ROBO1: variants seen among roughly 807,000 people sequenced by gnomAD.
The protein encoded by ROBO1 is roundabout guidance receptor 1, also known as roundabout homolog 1.
A neutral mutation model predicts 195.9 loss-of-function variants in ROBO1; 149 were observed. The ratio of observed to expected loss-of-function variants is 0.76; its 90% CI spans 0.67 to 0.87. The LOEUF (loss-of-function observed/expected upper bound fraction) is 0.87. Among genes scored for constraint, ROBO1 ranks in the 40% least tolerant of loss-of-function variants. The pLI, the probability that ROBO1 is intolerant of heterozygous loss-of-function variation, is 0.00. For missense variants in ROBO1, 1,933 were observed against 2,068.3 expected (o/e 0.93, Z 1.27); for synonymous variants, 816 against 733.2 (o/e 1.11, Z -1.82).
At chr3:79,677,404 A>T (rs1361441582) in intron 1 of ROBO1, among the ~76,000 whole-genome samples, 3 of 151,974 alleles carry the variant, frequency 2.0e-5, no homozygotes, top group African/African-American at 7.2e-5. Flanking sequence ...CCTCACAATC[A>T]TGGTGGAAGG....
At chr3:79,307,169 T>C (rs1161912724) in intron 2 of ROBO1, among the ~76,000 whole-genome samples, 1 of 152,128 alleles carries the variant, frequency 6.6e-6, no homozygotes, top group Non-Finnish European at 1.5e-5. Context: ...TGGGGAGCAT[T>C]GATCAGCCAG....
chr3:79,467,333 C>T (rs938480212), intron 2 of ROBO1, among the ~76,000 whole-genome samples: 9 of 151,852 alleles, frequency 5.9e-5, no homozygotes, highest in African/African-American at 2.2e-4. Flanking sequence ...AAGGCCCCAC[C>T]CTCAAGCCTG....
intron 2 of ROBO1, among the ~76,000 whole-genome samples, chr3:79,421,775 C>T (rs550291007): frequency 6.6e-6 from 1 of 152,132 alleles, no homozygotes; most frequent in African/African-American, 2.4e-5. Flanking sequence ...GTAAAGCAAG[C>T]TCTAATAAAA....
intron 2 of ROBO1, among the ~76,000 whole-genome samples, chr3:79,413,474 G>T (rs1026608775): frequency 5.3e-5 from 8 of 152,050 alleles, no homozygotes; most frequent in Non-Finnish European, 1.0e-4. Context: ...ATTGTGGTCA[G>T]GTGTGGAGAA....
chr3:79,018,393 A>G lies in ROBO1; in HGVS notation c.173-79466T>C, dbSNP rs751439425. On this transcript the variant is annotated intron_variant, in intron 3 of 30. Transcript: ENST00000464233. ...AGGGAGGATCAAGGGTGAAGAAAGA[A>G]GACGCGGGGTTACCTGAACAGAGAC... 3.7e-6 allele frequency: 6 copies of G among 1,613,860 alleles called. No individual in the cohort carries two copies. The East Asian group carries it at 1.3e-4, about 36-fold the overall frequency.
At position 79,058,923 on chromosome 3, in the gene ROBO1, C is replaced by T. The variant is rs554604967; in HGVS notation, c.172+66533G>A. 1.8e-4 allele frequency among the ~76,000 whole-genome samples: 28 copies of T among 152,136 alleles called. No individual in the cohort carries two copies. The East Asian group carries it at 4.1e-3, about 22-fold the overall frequency. On this transcript the variant is annotated intron_variant, in intron 3 of 30. Transcript: ENST00000464233. ...AGTCACTCCAATGGCCACCACTGCC[C>T]GAATGGCATTACATCAATCTATTCA...
rs183712666 is a variant in ROBO1 at position 79,344,957 on chromosome 3, C to T, written c.89-219418G>A. 1.9e-3 allele frequency among the ~76,000 whole-genome samples: 288 copies of T among 152,260 alleles called. 1 individual carries two copies. Among genetic ancestry groups the T allele is most frequent in the Non-Finnish European group, 3.5e-3 (237 of 68,024 alleles). ...TGCTGCCATGTGAAGAAGGTGACTG[C>T]TTCCCCTTCCACCATGATTATAAGT... is the stretch of plus-strand genomic sequence containing the variant. On this transcript the variant is annotated intron_variant, in intron 2 of 30. Transcript: ENST00000464233.
intron 5 of ROBO1, among the ~76,000 whole-genome samples, chr3:78,744,522 A>T (rs1273057236): frequency 6.6e-6 from 1 of 152,162 alleles, no homozygotes; most frequent in Non-Finnish European, 1.5e-5. Context: ...TAGCCTTTTT[A>T]AAAAGGCTAC....
At chr3:78,909,656 A>G (rs372225400) in intron 4 of ROBO1, among the ~76,000 whole-genome samples, 2 of 151,916 alleles carry the variant, frequency 1.3e-5, no homozygotes, top group South Asian at 4.2e-4. Flanking sequence ...CAACCTGAAA[A>G]CTAATCAATT....
At chr3:79,617,574 G>T (rs533591229) in intron 1 of ROBO1, among the ~76,000 whole-genome samples, 1 of 152,032 alleles carries the variant, frequency 6.6e-6, no homozygotes, top group Non-Finnish European at 1.5e-5. Flanking sequence ...GTATGAAGAA[G>T]TGAAAGCAAA....
rs534150342 is a variant in ROBO1 at position 79,720,122 on chromosome 3, A to G, written c.-51+47630T>C. ...GGCTAATCTTTAAAGATGGCCCTCA[A>G]TGAATCAGACTTTCCAGTATTCGTG... On this transcript the variant is annotated intron_variant, in intron 1 of 30. Transcript: ENST00000464233. Among the ~76,000 whole-genome samples, 4 of 152,340 alleles carry G rather than the reference A, an allele frequency of 2.6e-5. No individual in the cohort carries two copies. In the South Asian group the frequency reaches 6.2e-4, roughly 24 times the overall value.
At chr3:79,323,430 T>A (rs1006376029) in intron 2 of ROBO1, among the ~76,000 whole-genome samples, 1 of 152,164 alleles carries the variant, frequency 6.6e-6, no homozygotes, top group Non-Finnish European at 1.5e-5. Context: ...AGGTGATATA[T>A]CTGCACTAAT....
At chr3:79,419,973 T>C (rs1666138677) in intron 2 of ROBO1, among the ~76,000 whole-genome samples, 1 of 152,132 alleles carries the variant, frequency 6.6e-6, no homozygotes, top group African/African-American at 2.4e-5. Flanking sequence ...CTATGAAATT[T>C]ACTTCTGGCT....
At chr3:79,005,096 T>A (rs1035312190) in intron 3 of ROBO1, among the ~76,000 whole-genome samples, 7 of 152,200 alleles carry the variant, frequency 4.6e-5, no homozygotes, top group African/African-American at 1.7e-4. Flanking sequence ...AGCTATTTTG[T>A]CAAGGCATCA....
intron 2 of ROBO1, among the ~76,000 whole-genome samples, chr3:79,196,539 T>C (rs2081640831): frequency 6.6e-6 from 1 of 151,926 alleles, no homozygotes; most frequent in East Asian, 1.9e-4. Flanking sequence ...CAAGACTTGC[T>C]AGTGAGTTAA....
intron 3 of ROBO1, among the ~76,000 whole-genome samples, chr3:78,992,395 T>C (rs890902559): frequency 2.6e-5 from 4 of 152,056 alleles, no homozygotes; most frequent in African/African-American, 7.2e-5. Flanking sequence ...TGGAGGAGGG[T>C]TTCCTCTCAC....
chr3:79,582,030 A>T (rs904587409), intron 2 of ROBO1, among the ~76,000 whole-genome samples: 2 of 151,932 alleles, frequency 1.3e-5, no homozygotes, highest in Non-Finnish European at 2.9e-5. Context: ...ATATGCACAC[A>T]TATATATCTA....
intron 26 of ROBO1, among the ~76,000 whole-genome samples, chr3:78,623,652 G>C (rs758189609): frequency 6.6e-6 from 1 of 152,198 alleles, no homozygotes; most frequent in Non-Finnish European, 1.5e-5. Flanking sequence ...TAGACTGAAG[G>C]AGGAGCAAGG....
Position 78,938,867 on chromosome 3 carries a change from A to G in ROBO1, c.233T>C (p.Ile78Thr). ...PRIVEHPSDL[I>T]VSKGEPATLN... ...AGTTGCAGGTTCTCCTTTTGAGACA[A>G]TCAGGTCTGAAGGGTGTTCAACAAT... The change falls in exon 4 of 31, where the codon ATT becomes ACT. Residue 78 changes from isoleucine (I) to threonine (T), a missense_variant. Physicochemically the swap from Ile to Thr is moderately conservative, Grantham distance 89. Transcript: ENST00000464233. 1 of 1,613,986 alleles carries G rather than the reference A, an allele frequency of 6.2e-7. No individual in the cohort carries two copies.
Sources: allele counts gnomAD v4.1 joint callset (sites outside exome capture counted in the v4.1 genomes callset), GRCh38; gene constraint gnomAD v4.1.1; transcripts MANE v1.5; gene names NCBI Gene and HGNC (gene_info 2026-07-23, HGNC 2026-07-21).